The following MARK1 variants were observed in gnomAD, a reference collection of about 807,000 sequenced individuals.
MARK1 encodes microtubule affinity regulating kinase 1, also known as serine/threonine-protein kinase MARK1.
Under a neutral mutation model 96.3 loss-of-function variants are expected in MARK1, and 40 were observed. That is an observed-to-expected ratio of 0.42 (90% CI 0.32 to 0.54). The LOEUF (loss-of-function observed/expected upper bound fraction) is 0.54. MARK1 is among the 20% of genes least tolerant of loss of function. MARK1 has a pLI of 0.16. For synonymous variants in MARK1, 317 were observed against 341.2 expected (o/e 0.93, Z 0.78); for missense variants, 719 against 984.6 (o/e 0.73, Z 3.61).
intron 1 of MARK1, among the ~76,000 whole-genome samples, chr1:220,559,216 C>G (rs998145853): frequency 2.6e-5 from 4 of 152,130 alleles, no homozygotes; most frequent in African/African-American, 9.7e-5. Flanking sequence ...AGAAGAGCAG[C>G]AAAGGGCAGT....
intron 1 of MARK1, among the ~76,000 whole-genome samples, chr1:220,547,498 T>A (rs1661582842): frequency 6.6e-6 from 1 of 152,166 alleles, no homozygotes; most frequent in Non-Finnish European, 1.5e-5. Flanking sequence ...TTTGCCAGAA[T>A]TGAGTATTTA....
rs183507314 is a variant in MARK1 at position 220,545,008 on chromosome 1, A to G, written c.51+16135A>G. Among the ~76,000 whole-genome samples, 437 of 152,346 alleles carry G rather than the reference A, an allele frequency of 2.9e-3. 5 individuals are homozygous for G. The highest frequency in any genetic ancestry group is 0.01 in the African/African-American group (419 of 41,582). ...ACAAACAAGTATAGTAGAAAGTTGC[A>G]GTTCCTTGTCATCCAGCTGATTAGA... On this transcript the variant is annotated intron_variant, in intron 1 of 17. Transcript: ENST00000366917.
At chr1:220,537,407 G>A (rs560447022) in intron 1 of MARK1, among the ~76,000 whole-genome samples, 210 of 151,748 alleles carry the variant, frequency 1.4e-3, no homozygotes, top group Admixed American at 4.0e-3. Context: ...TCCCTACAAA[G>A]GACATGAACT....
At chr1:220,652,193 T>G in intron 15 of MARK1, 43 bp downstream of exon 15, 1 of 1,491,934 alleles carries the variant, frequency 6.7e-7, no homozygotes, top group South Asian at 1.2e-5. Context: ...TAAGAGTTTC[T>G]AAAAATATAG....
At chr1:220,605,481 A>ATTTATTTTATTTTAT (rs368555141) in intron 6 of MARK1, among the ~76,000 whole-genome samples, 1 of 151,202 alleles carries the variant, frequency 6.6e-6, no homozygotes, top group East Asian at 1.9e-4. Flanking sequence ...TTAAATTTTT[A>ATTTATTTTATTTTAT]TTTATTTTAT....
At chr1:220,557,270 C>T (rs145662783) in intron 1 of MARK1, among the ~76,000 whole-genome samples, 1 of 152,228 alleles carries the variant, frequency 6.6e-6, no homozygotes, top group African/African-American at 2.4e-5. Flanking sequence ...ACTAAATGAT[C>T]CTTCAAGAAT....
intron 13 of MARK1, among the ~76,000 whole-genome samples, chr1:220,643,578 C>T (rs1668403198): frequency 1.3e-5 from 2 of 151,962 alleles, no homozygotes; most frequent in Admixed American, 1.3e-4. Context: ...TACGGAGGAC[C>T]CCAATAAGAT....
At chr1:220,656,349 G>A (rs2103067177) in intron 16 of MARK1, among the ~76,000 whole-genome samples, 1 of 152,328 alleles carries the variant, frequency 6.6e-6, no homozygotes, top group Admixed American at 6.5e-5. Flanking sequence ...TACAGCAGAG[G>A]AGATAGGGTC....
At chr1:220,611,836 G>T (rs138518514) in intron 6 of MARK1, among the ~76,000 whole-genome samples, 1 of 152,018 alleles carries the variant, frequency 6.6e-6, no homozygotes, top group African/African-American at 2.4e-5. Flanking sequence ...GGGTTCAAGC[G>T]ATTCTCCTAC....
intron 6 of MARK1, among the ~76,000 whole-genome samples, chr1:220,606,370 T>G (rs1234784969): frequency 6.6e-6 from 1 of 152,140 alleles, no homozygotes; most frequent in Non-Finnish European, 1.5e-5. Flanking sequence ...TTGATGGGGT[T>G]GTTTGTTTTT....
At chr1:220,577,239 C>G (rs1036146168) in intron 1 of MARK1, among the ~76,000 whole-genome samples, 2 of 151,650 alleles carry the variant, frequency 1.3e-5, no homozygotes, top group African/African-American at 4.8e-5. Flanking sequence ...TGCACTCCAG[C>G]CTGGGTGACA....
chr1:220,626,952 C>A (rs1376268553), intron 9 of MARK1: 5 of 504,210 alleles, frequency 9.9e-6, no homozygotes, highest in South Asian at 4.9e-5. Context: ...ACATATGAGA[C>A]AGGTGTGGCC....
intron 6 of MARK1, among the ~76,000 whole-genome samples, chr1:220,613,482 C>A (rs556245415): frequency 2.9e-4 from 44 of 152,216 alleles, no homozygotes; most frequent in Middle Eastern, 6.8e-3. Context: ...GGCCTCTGAT[C>A]ATGTTTGGTA....
At chr1:220,619,308 A>C (rs893948624) in intron 9 of MARK1, among the ~76,000 whole-genome samples, 1 of 152,088 alleles carries the variant, frequency 6.6e-6, no homozygotes, top group Admixed American at 6.6e-5. Flanking sequence ...CCCTGTCTGT[A>C]CTAAAAATAC....
chr1:220,537,161 A>C (rs553739445), intron 1 of MARK1, among the ~76,000 whole-genome samples: 9 of 150,422 alleles, frequency 6.0e-5, no homozygotes, highest in African/African-American at 2.2e-4. Flanking sequence ...ATATGTATAC[A>C]TGTGCCATGC....
chr1:220,533,396 A>G (rs1024160457), intron 1 of MARK1, among the ~76,000 whole-genome samples: 1 of 152,118 alleles, frequency 6.6e-6, no homozygotes, highest in African/African-American at 2.4e-5. Context: ...AATCCAGTTC[A>G]TATAGAATTA....
At chr1:220,635,019 A>C (rs547226530) in intron 11 of MARK1, among the ~76,000 whole-genome samples, 4 of 152,270 alleles carry the variant, frequency 2.6e-5, no homozygotes, top group Middle Eastern at 6.8e-3. Flanking sequence ...TTAATACATC[A>C]TAGGTTTGTT....
At chr1:220,574,195 G>T (rs916170848) in intron 1 of MARK1, among the ~76,000 whole-genome samples, 1 of 152,068 alleles carries the variant, frequency 6.6e-6, no homozygotes, top group Non-Finnish European at 1.5e-5. Flanking sequence ...TGAACTGTTG[G>T]TTTTTGCTTT....
intron 13 of MARK1, among the ~76,000 whole-genome samples, chr1:220,642,097 G>A (rs191811397): frequency 3.9e-5 from 6 of 152,306 alleles, no homozygotes; most frequent in East Asian, 1.9e-4. Flanking sequence ...GTCCACTCCC[G>A]TGGAAAGGGG....
Sources: allele counts gnomAD v4.1 joint callset (sites outside exome capture counted in the v4.1 genomes callset), GRCh38; gene constraint gnomAD v4.1.1; transcripts MANE v1.5; gene names NCBI Gene and HGNC (gene_info 2026-07-23, HGNC 2026-07-21).